NCK1: variants seen among roughly 807,000 people sequenced by gnomAD.
NCK1 encodes the protein NCK adaptor protein 1.
A neutral mutation model predicts 36.6 loss-of-function variants in NCK1; 19 were observed. That is an observed-to-expected ratio of 0.52 (90% CI 0.36 to 0.76). NCK1 has a LOEUF of 0.76. Among genes scored for constraint, NCK1 ranks in the 30% least tolerant of loss-of-function variants. The pLI is 0.00. For missense variants in NCK1, 358 were observed against 445.6 expected, an observed-to-expected ratio of 0.80 and a Z score of 1.77; for synonymous variants, 165 against 156.0, an observed-to-expected ratio of 1.06 and a Z score of -0.43.
At chr3:136,880,258 C>A (rs1299481435) in intron 1 of NCK1, among the ~76,000 whole-genome samples, 1 of 150,838 alleles carries the variant, frequency 6.6e-6, no homozygotes, top group Admixed American at 6.6e-5. Context: ...GCACTCCAGC[C>A]GGGGTGACAG....
rs140942054 is a variant in NCK1, at chr3:136,946,127, A to C, written c.771A>C (p.Ser257=). 3 of 1,613,954 alleles carry C rather than the reference A, an allele frequency of 1.9e-6. No individual in the cohort carries two copies. The highest frequency in any genetic ancestry group is 1.3e-5 in the African/African-American group (1 of 74,978). The part of the protein sequence containing the change: ...VTVMQNNPLT[S]GLEPSPPQCD... The stretch of plus-strand genomic sequence containing the variant: ...TTATGCAGAATAATCCATTAACTTC[A>C]GGTTTGGAACCATCACCTCCACAGT... The change falls in exon 3 of 4, where the codon TCA becomes TCC. Residue 257 remains serine (S), a synonymous_variant. Coordinates refer to ENST00000481752, the MANE Select transcript of NCK1 (RefSeq NM_001291999.2).
At chr3:136,891,064 A>G (rs182617373) in intron 1 of NCK1, among the ~76,000 whole-genome samples, 210 of 152,344 alleles carry the variant, frequency 1.4e-3, no homozygotes, top group African/African-American at 4.7e-3. Flanking sequence ...ATGTGTCTAA[A>G]GTTCCTCCCC....
chr3:136,935,709 T>C (rs919864781), intron 2 of NCK1, among the ~76,000 whole-genome samples: 3 of 152,230 alleles, frequency 2.0e-5, no homozygotes, highest in African/African-American at 7.2e-5. Flanking sequence ...TAAAAATTTT[T>C]TTATGAGGTA....
chr3:136,872,673 G>C (rs72989160), intron 1 of NCK1, among the ~76,000 whole-genome samples: 1 of 152,156 alleles, frequency 6.6e-6, no homozygotes, highest in African/African-American at 2.4e-5. Context: ...AAGCCTTGGA[G>C]GAAAAAGTGG....
At chr3:136,884,100 T>C (rs1194336970) in intron 1 of NCK1, among the ~76,000 whole-genome samples, 2 of 152,092 alleles carry the variant, frequency 1.3e-5, no homozygotes, top group Non-Finnish European at 2.9e-5. Flanking sequence ...GGTGATACGA[T>C]GAAGTCATAA....
chr3:136,880,789 G>A (rs948186964), intron 1 of NCK1, among the ~76,000 whole-genome samples: 1 of 152,154 alleles, frequency 6.6e-6, no homozygotes, highest in South Asian at 2.1e-4. Flanking sequence ...TTGACCCTTT[G>A]TGGAGATGGG....
At chr3:136,912,432 A>G (rs1307077872) in intron 1 of NCK1, among the ~76,000 whole-genome samples, 6 of 150,860 alleles carry the variant, frequency 4.0e-5, no homozygotes, top group Admixed American at 6.6e-5. Context: ...TGGCATTCCC[A>G]CAATGTGTGT....
chr3:136,895,714 A>G (rs1330539570), intron 1 of NCK1, among the ~76,000 whole-genome samples: 2 of 151,860 alleles, frequency 1.3e-5, no homozygotes. Context: ...ACAGGTGCGT[A>G]CCACCACACC....
In NCK1 at chr3:136,877,310, A is replaced by G. The variant is rs1000108288; in HGVS notation, c.-19+14957A>G. ...CTTGAGTGTTTTCTGACGTGTTGGA[A>G]TTAAGCAAGAAATGGATTACCAAAA... On this transcript the variant is annotated intron_variant, in intron 1 of 3. Coordinates refer to ENST00000481752, the MANE Select transcript of NCK1 (RefSeq NM_001291999.2). Among the ~76,000 whole-genome samples the G allele has an allele frequency of 5.3e-5, 8 of 152,340 alleles. No homozygotes were observed. In the South Asian group the frequency reaches 1.7e-3, roughly 32 times the overall value.
chr3:136,890,471 G>T (rs544076167), intron 1 of NCK1, among the ~76,000 whole-genome samples: 1 of 152,346 alleles, frequency 6.6e-6, no homozygotes, highest in Non-Finnish European at 1.5e-5. Flanking sequence ...GGGCTGAAGG[G>T]CTCCTCAAGT....
chr3:136,948,536 T>G lies in NCK1; in HGVS notation c.*83T>G, dbSNP rs1273060647. 8.2e-7 allele frequency: 1 copy of G among 1,215,206 alleles called. No individual in the cohort carries two copies. Among genetic ancestry groups the G allele is most frequent in the Non-Finnish European group, 1.2e-6 (1 of 862,118 alleles). The allele number at this position is 1,215,206 out of a possible 1,614,324, so 75.3% of individuals were successfully genotyped here. On this transcript the variant is annotated 3_prime_UTR_variant, in exon 4 of 4. Transcript: ENST00000481752. ...GAGAAAATGTTGGGTCCAGTCGTGC[T>G]TGATTGGAAATTGTTGTTTCTAAAT...
At position 136,946,349 on chromosome 3, in the gene NCK1, A is replaced by G. The variant is rs560818156; in HGVS notation, c.939+54A>G. On this transcript the variant is annotated intron_variant, in intron 3 of 3. Transcript: ENST00000481752. Reference sequence around the variant, plus strand: ...ATAGAGCTCTGGGTATTTTAAAAAAAAGAGAGAGAGAAATGGAGAGGTTAA... The same window carrying G: ...ATAGAGCTCTGGGTATTTTAAAAAAGAGAGAGAGAGAAATGGAGAGGTTAA... The G allele has an allele frequency of 2.1e-5, 31 of 1,462,120 alleles. No individual in the cohort carries two copies. In the African/African-American group the frequency reaches 2.4e-4, roughly 11 times the overall value. 90.6% of individuals were successfully genotyped at this position (1,462,120 alleles called of 1,614,324 possible).
At chr3:136,912,162 CTTTTTTTTTTTTTT>C (rs57596314) in intron 1 of NCK1, among the ~76,000 whole-genome samples, 1 of 128,162 alleles carries the variant, frequency 7.8e-6, no homozygotes, top group Non-Finnish European at 1.6e-5. Context: ...ATTATTTTTT[CTTTTTTTTTTTTTT>C]TTTTGAGACC....
At chr3:136,939,405 AACCAC>A (rs1193918617) in intron 2 of NCK1, among the ~76,000 whole-genome samples, 1 of 152,156 alleles carries the variant, frequency 6.6e-6, no homozygotes, top group Non-Finnish European at 1.5e-5. Context: ...ATTTTCAAAT[AACCAC>A]ATTTTGGTTT....
intron 2 of NCK1, among the ~76,000 whole-genome samples, chr3:136,932,671 AAG>A (rs1012411494): frequency 2.6e-5 from 4 of 152,164 alleles, no homozygotes; most frequent in Non-Finnish European, 5.9e-5. Flanking sequence ...TTCCTTGTAA[AAG>A]AGAGAGTTGG....
At chr3:136,887,594 A>T (rs1473910633) in intron 1 of NCK1, among the ~76,000 whole-genome samples, 1 of 152,218 alleles carries the variant, frequency 6.6e-6, no homozygotes, top group Non-Finnish European at 1.5e-5. Flanking sequence ...GGTGACTTTT[A>T]AGTTATTTGT....
At chr3:136,933,793 C>A (rs1334635708) in intron 2 of NCK1, among the ~76,000 whole-genome samples, 1 of 152,126 alleles carries the variant, frequency 6.6e-6, no homozygotes, top group East Asian at 1.9e-4. Flanking sequence ...CCACTTCTGT[C>A]TCTCAAGTTC....
chr3:136,916,568 C>A (rs1939968867), intron 1 of NCK1, among the ~76,000 whole-genome samples: 1 of 152,050 alleles, frequency 6.6e-6, no homozygotes, highest in African/African-American at 2.4e-5. Context: ...ATGACACAAT[C>A]TAAACCTTAT....
At chr3:136,925,804 A>G (rs1431562615) in intron 1 of NCK1, among the ~76,000 whole-genome samples, 2 of 152,224 alleles carry the variant, frequency 1.3e-5, no homozygotes, top group African/African-American at 2.4e-5. Context: ...GTTAACATTC[A>G]TGTAAAATGT....
Sources: allele counts gnomAD v4.1 joint callset (sites outside exome capture counted in the v4.1 genomes callset), GRCh38; gene constraint gnomAD v4.1.1; transcripts MANE v1.5; gene names NCBI Gene and HGNC (gene_info 2026-07-23, HGNC 2026-07-21).